Variants in MTREX observed in about 807,000 individuals in gnomAD.
MTREX encodes Mtr4 exosome RNA helicase, also known as exosome RNA helicase MTR4.
MTREX carries 76 observed loss-of-function variants against 135.4 expected under a neutral mutation model. That is an observed-to-expected ratio of 0.56 (90% CI 0.47 to 0.68). MTREX has a LOEUF of 0.68. Ranked by LOEUF, MTREX falls within the 30% of genes least tolerant of loss-of-function variation. The pLI is 0.00. For synonymous variants in MTREX, 404 were observed against 401.6 expected, an observed-to-expected ratio of 1.01 and a Z score of -0.07; for missense variants, 920 against 1,262.1, an observed-to-expected ratio of 0.73 and a Z score of 4.11.
intron 14 of MTREX, chr5:55,356,807 CG>C: frequency 6.5e-6 from 1 of 154,494 alleles, no homozygotes; most frequent in South Asian, 2.0e-4. Context: ...TTCATCAGGC[CG>C]TTGTAGTTGT....
chr5:55,379,197 T>TAAAC lies in MTREX; in HGVS notation c.2052+3_2052+6dup, dbSNP rs527583093. The TAAAC allele has an allele frequency of 3.1e-5, 47 of 1,537,826 alleles. No homozygotes were observed. The East Asian group carries it at 1.0e-3, about 34-fold the overall frequency. On this transcript the variant is annotated splice_region_variant and intron_variant, in intron 18 of 26. Transcript: ENST00000230640. ...TTCTCAAAAAAGTCAAATGTTAAGG[T>TAAAC]AAACTATTATCTTTAAATTAGAATT...
chr5:55,401,277 C>T (rs767736638), intron 21 of MTREX, among the ~76,000 whole-genome samples: 1 of 152,178 alleles, frequency 6.6e-6, no homozygotes, highest in Non-Finnish European at 1.5e-5. Flanking sequence ...TCATATTATC[C>T]ACTTGCCTCA....
At chr5:55,389,327 G>T (rs1750527741) in intron 19 of MTREX, among the ~76,000 whole-genome samples, 1 of 152,140 alleles carries the variant, frequency 6.6e-6, no homozygotes, top group Non-Finnish European at 1.5e-5. Flanking sequence ...CTTTCTCATG[G>T]CAGACATTGA....
intron 26 of MTREX, 64 bp from the exon 27 acceptor site, chr5:55,424,656 C>G: frequency 8.4e-7 from 1 of 1,194,528 alleles, no homozygotes; most frequent in Non-Finnish European, 1.2e-6. Context: ...TTTAAAATTT[C>G]GGTAGAGGCA....
intron 1 of MTREX, among the ~76,000 whole-genome samples, chr5:55,314,257 G>T (rs1297709413): frequency 6.6e-6 from 1 of 152,202 alleles, no homozygotes; most frequent in Non-Finnish European, 1.5e-5. Flanking sequence ...GTTTTCAACA[G>T]TGTGGTAGCA....
At chr5:55,351,050 T>G (rs780146632) in intron 13 of MTREX, 21 bp downstream of exon 13, 1 of 1,580,438 alleles carries the variant, frequency 6.3e-7, no homozygotes, top group South Asian at 1.2e-5. Flanking sequence ...ATTTTTATTT[T>G]TTATGCCCCC....
At chr5:55,376,633 C>G (rs1750305057) in intron 16 of MTREX, among the ~76,000 whole-genome samples, 1 of 152,196 alleles carries the variant, frequency 6.6e-6, no homozygotes, top group African/African-American at 2.4e-5. Flanking sequence ...CCTGTATAAC[C>G]TTATCACATC....
chr5:55,371,319 T>G lies in MTREX; in HGVS notation c.1810+4444T>G, dbSNP rs1750192805. On this transcript the variant is annotated intron_variant, in intron 16 of 26. Transcript: ENST00000230640. ...AATCTGTGCTTTTACTTGTAAAATTTGCTTAGTTCTGAGCATGGCAGTTCA... is the reference window on the plus strand; with the variant it reads ...AATCTGTGCTTTTACTTGTAAAATTGGCTTAGTTCTGAGCATGGCAGTTCA... 2.0e-5 allele frequency among the ~76,000 whole-genome samples: 3 copies of G among 152,194 alleles called. No individual in the cohort carries two copies. The South Asian group carries it at 6.2e-4, about 32-fold the overall frequency.
chr5:55,324,247 C>A, intron 3 of MTREX, 49 bp downstream of exon 3: 1 of 1,355,380 alleles, frequency 7.4e-7, no homozygotes, highest in Non-Finnish European at 1.0e-6. Context: ...TGGGATTTTT[C>A]TTTGGACTAT....
chr5:55,411,397 C>T (rs1384191560), intron 23 of MTREX, among the ~76,000 whole-genome samples: 1 of 152,048 alleles, frequency 6.6e-6, no homozygotes, highest in African/African-American at 2.4e-5. Context: ...ACTATACATA[C>T]TTAGTTTAAC....
Position 55,425,233 on chromosome 5 carries a change from A to G in MTREX, c.*461A>G. 6.2e-7 allele frequency: 1 copy of G among 1,613,944 alleles called. No individual in the cohort carries two copies. Among genetic ancestry groups the G allele is most frequent in the Non-Finnish European group, 8.5e-7 (1 of 1,179,964 alleles). ...AAGGCTGGTGATTGCTCGGATAGTG[A>G]TTCCCAGTTGTTGGTGTTTCATGCA... On this transcript the variant is annotated 3_prime_UTR_variant, in exon 27 of 27. Coordinates refer to ENST00000230640, the MANE Select transcript of MTREX (RefSeq NM_015360.5).
At position 55,410,504 on chromosome 5, in the gene MTREX, CT is replaced by C. The variant is rs1194518421; in HGVS notation, c.2646-16del. The C allele has an allele frequency of 6.3e-6, 6 of 956,342 alleles. No individual in the cohort carries two copies. The highest frequency in any genetic ancestry group is 9.2e-6 in the Non-Finnish European group (6 of 655,406). The allele number at this position is 956,342 out of a possible 1,614,324, so 59.2% of individuals were successfully genotyped here. ...TGTCTTTATATTCTGACATTTTATT[CT>C]TTTGTTTTGCCATTGTAGTGCTGAT... On this transcript the variant is annotated intron_variant, in intron 22 of 26. Coordinates refer to ENST00000230640, the MANE Select transcript of MTREX (RefSeq NM_015360.5).
intron 11 of MTREX, among the ~76,000 whole-genome samples, chr5:55,348,264 C>G (rs1339460098): frequency 6.6e-6 from 1 of 152,106 alleles, no homozygotes; most frequent in Non-Finnish European, 1.5e-5. Flanking sequence ...CTGAACTCAT[C>G]TTTTTATCAG....
rs977735900 is a variant in MTREX at position 55,410,615 on chromosome 5, G to C, written c.2737G>C (p.Val913Leu). ...EQATALLSCF[V>L]FQENSSEMPK... ...GGCAACAGCATTATTAAGCTGCTTT[G>C]TGTTTCAAGAGAATGTAAGTTAATT... is the stretch of plus-strand genomic sequence containing the variant. Residue 913 changes from valine (V) to leucine (L), a missense_variant, in exon 23 of 27, where the codon GTG (valine) becomes CTG (leucine). Val to Leu is a conservative substitution (Grantham distance 32). Transcript: ENST00000230640. The C allele has an allele frequency of 6.2e-7, 1 of 1,600,876 alleles. No homozygotes were observed. Among genetic ancestry groups the C allele is most frequent in the Non-Finnish European group, 8.5e-7 (1 of 1,171,400 alleles).
At chr5:55,387,555 A>G (rs1750497829) in intron 18 of MTREX, among the ~76,000 whole-genome samples, 1 of 152,150 alleles carries the variant, frequency 6.6e-6, no homozygotes, top group African/African-American at 2.4e-5. Flanking sequence ...ATTACAGAAT[A>G]TTAAAGACTA....
At chr5:55,372,810 A>G (rs1018667249) in intron 16 of MTREX, among the ~76,000 whole-genome samples, 3 of 152,050 alleles carry the variant, frequency 2.0e-5, no homozygotes, top group African/African-American at 7.2e-5. Context: ...TGGATTTGGC[A>G]GTGATTTCTT....
At chr5:55,389,549 G>A (rs1286601401) in intron 19 of MTREX, among the ~76,000 whole-genome samples, 3 of 152,152 alleles carry the variant, frequency 2.0e-5, no homozygotes, top group African/African-American at 7.2e-5. Context: ...TTAAGGGGAT[G>A]CAGCTTAATA....
In MTREX at chr5:55,349,776, T is replaced by C. The variant is rs560932932; in HGVS notation, c.1320+124T>C. On this transcript the variant is annotated intron_variant, in intron 12 of 26. Coordinates refer to ENST00000230640, the MANE Select transcript of MTREX (RefSeq NM_015360.5). ...ACACTGTAGCATATGGGTTGTGATATGCCCTTAATGATACTTTGACTTTTA... is the reference window on the plus strand; with the variant it reads ...ACACTGTAGCATATGGGTTGTGATACGCCCTTAATGATACTTTGACTTTTA... 11 of 563,068 alleles carry C rather than the reference T, an allele frequency of 2.0e-5. No individual in the cohort carries two copies. The Admixed American group carries it at 2.7e-4, about 14-fold the overall frequency. 34.9% of individuals were successfully genotyped at this position (563,068 alleles called of 1,614,324 possible). A position where few individuals can be genotyped will look rare whatever the true frequency, so the allele number is the denominator to read the frequency against.
At chr5:55,345,273 G>GTT in intron 10 of MTREX, 77 bp downstream of exon 10, 2 of 939,890 alleles carry the variant, frequency 2.1e-6, no homozygotes, top group Non-Finnish European at 3.3e-6. Flanking sequence ...TTTTGTCTTA[G>GTT]TTTTTTTTTC....
Sources: allele counts gnomAD v4.1 joint callset (sites outside exome capture counted in the v4.1 genomes callset), GRCh38; gene constraint gnomAD v4.1.1; transcripts MANE v1.5; gene names NCBI Gene and HGNC (gene_info 2026-07-23, HGNC 2026-07-21).